Variants in AVPR1A observed in about 807,000 individuals in gnomAD.
AVPR1A encodes arginine vasopressin receptor 1A.
A neutral mutation model predicts 31.5 loss-of-function variants in AVPR1A; 31 were observed. The observed-to-expected ratio is 0.99, with a 90% CI of 0.74 to 1.33. The LOEUF is 1.33. Ranked by LOEUF, AVPR1A falls within the 40% of genes most tolerant of loss-of-function variation. The pLI is 0.00. For missense variants in AVPR1A, 570 were observed against 575.2 expected (o/e 0.99, Z 0.09); for synonymous variants, 243 against 233.2 (o/e 1.04, Z -0.38).
Position 63,145,291 on chromosome 12 carries a change from C to A in AVPR1A, c.*2068G>T, listed in dbSNP as rs1868349004. ...TTTTTAGGCCTATCAATACAAGGAG[C>A]CTAAGGGCTGAGAATTTCAAAAGGC... On this transcript the variant is annotated 3_prime_UTR_variant, in exon 2 of 2. Transcript: ENST00000299178. 2 of 444,084 alleles carry A rather than the reference C, an allele frequency of 4.5e-6. No homozygotes were observed. Among genetic ancestry groups the A allele is most frequent in the African/African-American group, 4.1e-5 (2 of 48,924 alleles). The allele number at this position is 444,084 out of a possible 1,614,324, so 27.5% of individuals were successfully genotyped here.
chr12:63,150,021 G>T lies in AVPR1A; in HGVS notation c.816C>A (p.Leu272=). 1.9e-6 allele frequency: 3 copies of T among 1,614,038 alleles called. No homozygotes were observed. Among genetic ancestry groups the T allele is most frequent in the Non-Finnish European group, 1.7e-6 (2 of 1,180,012 alleles). Residue 272 remains leucine, a synonymous_variant, in exon 1 of 2, where the codon CTC becomes CTA. Coordinates refer to ENST00000299178, the MANE Select transcript of AVPR1A (RefSeq NM_000706.5). The surrounding 1 kb of genome is among the most constrained non-coding windows in gnomAD (Gnocchi z 4.9). ...ACTTCACGCTGCTGACACAGGGTGC[G>T]AGCAGGAACCCCTTTTGGAAGGCCA... ...AGVAFQKGFL[L]APCVSSVKSI...
chr12:63,148,319 C>T (rs1305047037), intron 1 of AVPR1A, among the ~76,000 whole-genome samples: 3 of 152,098 alleles, frequency 2.0e-5, no homozygotes, highest in Non-Finnish European at 4.4e-5. Flanking sequence ...AATATTATAA[C>T]CTTTCACAGT....
intron 1 of AVPR1A, 88 bp downstream of exon 1, chr12:63,149,769 TTTTCTCTCTC>T (rs1161557923): frequency 2.8e-5 from 35 of 1,243,486 alleles, no homozygotes; most frequent in South Asian, 3.2e-5. Context: ...ATTCTCATTT[TTTTCTCTCTC>T]TCTCTCTCTC....
rs774566062 is a variant in AVPR1A at position 63,150,545 on chromosome 12, G to A, written c.292C>T (p.Leu98=). The change falls in exon 1 of 2, where the codon CTG becomes TTG. Residue 98 remains leucine (L), a synonymous_variant. Transcript: ENST00000299178. This position sits in a 1 kb window ranked among gnomAD's most constrained non-coding sequence, Gnocchi z 4.9. ...LFIRHLSLAD[L]AVAFFQVLPQ... ...AGCACCTGGAAGAATGCCACGGCCA[G>A]GTCGGCCAGGCTGAGGTGTCGGATG... is the stretch of plus-strand genomic sequence containing the variant. 1.2e-6 allele frequency: 2 copies of A among 1,612,892 alleles called. No individual in the cohort carries two copies. Among genetic ancestry groups the A allele is most frequent in the East Asian group, 2.2e-5 (1 of 44,868 alleles).
At position 63,145,613 on chromosome 12, in the gene AVPR1A, G is replaced by T; in HGVS notation, c.*1746C>A. ...GCACTCCAGCCTGGCAAAAGAGCAAGACTCTGTTTCAAAAAAAAAAAAAGC... is the reference window on the plus strand; with the variant it reads ...GCACTCCAGCCTGGCAAAAGAGCAATACTCTGTTTCAAAAAAAAAAAAAGC... On this transcript the variant is annotated 3_prime_UTR_variant, in exon 2 of 2. Transcript: ENST00000299178. 5.6e-6 allele frequency: 1 copy of T among 178,534 alleles called. No individual in the cohort carries two copies. The allele number at this position is 178,534 out of a possible 1,614,324, so 11.1% of individuals were successfully genotyped here. A position where few individuals can be genotyped will look rare whatever the true frequency, so the allele number is the denominator to read the frequency against.
At position 63,149,964 on chromosome 12, in the gene AVPR1A, C is replaced by T; in HGVS notation, c.873G>A (p.Lys291=). ...SISRAKIRTV[K]MTFVIVTAYI... ...AAGCCGTCACGATCACAAAAGTCAT[C>T]TTCACCGTGCGGATCTTGGCCCGGG... The change falls in exon 1 of 2, where the codon AAG becomes AAA. Residue 291 remains lysine, a synonymous_variant. Transcript: ENST00000299178. 2 of 1,614,150 alleles carry T rather than the reference C, an allele frequency of 1.2e-6. No homozygotes were observed. Among genetic ancestry groups the T allele is most frequent in the Non-Finnish European group, 1.7e-6 (2 of 1,180,030 alleles).
At chr12:63,147,703 T>G in intron 1 of AVPR1A, 58 bp from the exon 2 acceptor site, 4 of 1,529,200 alleles carry the variant, frequency 2.6e-6, no homozygotes, top group Non-Finnish European at 2.7e-6. Flanking sequence ...GATAAACTCA[T>G]TTTTCTATTA....
At position 63,150,760 on chromosome 12, in the gene AVPR1A, C is replaced by G. The variant is rs1868465300; in HGVS notation, c.77G>C (p.Gly26Ala). 1 of 1,599,714 alleles carries G rather than the reference C, an allele frequency of 6.3e-7. No individual in the cohort carries two copies. Among genetic ancestry groups the G allele is most frequent in the African/African-American group, 1.3e-5 (1 of 74,898 alleles). ...SPWWPLATGA[G>A]NTSREAEALG... The stretch of plus-strand genomic sequence containing the variant: ...GGCTTCGGCCTCCCGGCTTGTGTTG[C>G]CAGCGCCGGTGGCCAGAGGCCACCA... Residue 26 changes from glycine (G) to alanine (A), a missense_variant, in exon 1 of 2, where the codon GGC becomes GCC. Transcript: ENST00000299178. The surrounding 1 kb of genome is among the most constrained non-coding windows in gnomAD (Gnocchi z 4.9).
At position 63,145,349 on chromosome 12, in the gene AVPR1A, C is replaced by T. The variant is rs1238043243; in HGVS notation, c.*2010G>A. 3 of 455,282 alleles carry T rather than the reference C, an allele frequency of 6.6e-6. No homozygotes were observed. Among genetic ancestry groups the T allele is most frequent in the Admixed American group, 2.4e-5 (1 of 42,426 alleles). 28.2% of individuals were successfully genotyped at this position (455,282 alleles called of 1,614,324 possible). On this transcript the variant is annotated 3_prime_UTR_variant, in exon 2 of 2. Coordinates refer to ENST00000299178, the MANE Select transcript of AVPR1A (RefSeq NM_000706.5). ...TGAAGAGGAGTGAAGTTATCGCTTC[C>T]GGGTTCTCACAGTGCTATCCAGTTC...
intron 1 of AVPR1A, among the ~76,000 whole-genome samples, chr12:63,148,819 T>G (rs1207067448): frequency 6.6e-6 from 1 of 152,066 alleles, no homozygotes; most frequent in Admixed American, 6.6e-5. Context: ...CCTCCCCTAC[T>G]CCAATTCCAA....
In AVPR1A at chr12:63,150,646, A is replaced by G; in HGVS notation, c.191T>C (p.Val64Ala). The G allele has an allele frequency of 6.2e-7, 1 of 1,609,248 alleles. No individual in the cohort carries two copies. The highest frequency in any genetic ancestry group is 8.5e-7 in the Non-Finnish European group (1 of 1,179,852). ...EIAVLAVTFA[V>A]AVLGNSSVLL... Reference sequence around the variant, plus strand: ...TACGCTGCTGTTGCCCAGCACGGCCACCGCGAAAGTCACCGCCAGCACGGC... The same window carrying G: ...TACGCTGCTGTTGCCCAGCACGGCCGCCGCGAAAGTCACCGCCAGCACGGC... The change falls in exon 1 of 2, where the codon GTG (valine) becomes GCG (alanine). Residue 64 changes from valine (V) to alanine (A), a missense_variant. Coordinates refer to ENST00000299178, the MANE Select transcript of AVPR1A (RefSeq NM_000706.5). This position sits in a 1 kb window ranked among gnomAD's most constrained non-coding sequence, Gnocchi z 4.9.
In AVPR1A at chr12:63,150,517, G is replaced by C. The variant is rs780705756; in HGVS notation, c.320C>G (p.Pro107Arg). The C allele has an allele frequency of 1.9e-6, 3 of 1,612,992 alleles. No homozygotes were observed. The highest frequency in any genetic ancestry group is 2.5e-6 in the Non-Finnish European group (3 of 1,179,780). ...DLAVAFFQVL[P>R]QMCWDITYRF... ...GTAGGTGATGTCCCAGCACATTTGC[G>C]GCAGCACCTGGAAGAATGCCACGGC... is the stretch of plus-strand genomic sequence containing the variant. Residue 107 changes from proline (P) to arginine (R), a missense_variant, in exon 1 of 2, where the codon CCG (proline) becomes CGG (arginine). Coordinates refer to ENST00000299178, the MANE Select transcript of AVPR1A (RefSeq NM_000706.5). The surrounding 1 kb of genome is among the most constrained non-coding windows in gnomAD (Gnocchi z 4.9).
Position 63,150,352 on chromosome 12 carries a change from TGTTGCAGA to T in AVPR1A, c.477_484del (p.Leu160AlafsTer179). 1 of 1,613,902 alleles carries T rather than the reference TGTTGCAGA, an allele frequency of 6.2e-7. No individual in the cohort carries two copies. Among genetic ancestry groups the T allele is most frequent in the Non-Finnish European group, 8.5e-7 (1 of 1,179,996 alleles). On this transcript the variant is annotated frameshift_variant, in exon 1 of 2. Transcript: ENST00000299178. LOFTEE classifies it high-confidence loss of function. This position sits in a 1 kb window ranked among gnomAD's most constrained non-coding sequence, Gnocchi z 4.9. ...CATGAGGCGCGAGCGGCGCGCGGGCTGTTGCAGAGTCTTGAGCGGGTGGCACACCGCGA... is the reference window on the plus strand; with the variant it reads ...CATGAGGCGCGAGCGGCGCGCGGGCTGTCTTGAGCGGGTGGCACACCGCGA...
chr12:63,149,006 T>G (rs1319930913), intron 1 of AVPR1A, among the ~76,000 whole-genome samples: 1 of 151,932 alleles, frequency 6.6e-6, no homozygotes, highest in Non-Finnish European at 1.5e-5. Context: ...AATTAAATAA[T>G]TTTTTTTGCA....
Position 63,144,867 on chromosome 12 carries a change from G to C in AVPR1A, c.*2492C>G, listed in dbSNP as rs900902564. ...CATTTAAAAGGAGAAAATACAACTG[G>C]GTAGGGTGATATGCACTTTTTTTTG... On this transcript the variant is annotated 3_prime_UTR_variant, in exon 2 of 2. Transcript: ENST00000299178. The C allele has an allele frequency of 7.2e-5, 11 of 152,996 alleles. No individual in the cohort carries two copies. Among genetic ancestry groups the C allele is most frequent in the African/African-American group, 2.4e-4 (10 of 41,524 alleles). The allele number at this position is 152,996 out of a possible 1,614,324, so 9.5% of individuals were successfully genotyped here. A position where few individuals can be genotyped will look rare whatever the true frequency, so the allele number is the denominator to read the frequency against.
chr12:63,150,732 G>A lies in AVPR1A; in HGVS notation c.105C>T (p.Leu35=). ...CCCTCGGTGGGCCGTTGCCCTCCCCGAGGGCTTCGGCCTCCCGGCTTGTGT... is the reference window on the plus strand; with the variant it reads ...CCCTCGGTGGGCCGTTGCCCTCCCCAAGGGCTTCGGCCTCCCGGCTTGTGT... ...AGNTSREAEA[L]GEGNGPPRDV... The change falls in exon 1 of 2, where the codon CTC becomes CTT. Residue 35 remains leucine (L), a synonymous_variant. Transcript: ENST00000299178. The surrounding 1 kb of genome is among the most constrained non-coding windows in gnomAD (Gnocchi z 4.9). 5 of 1,602,690 alleles carry A rather than the reference G, an allele frequency of 3.1e-6. No individual in the cohort carries two copies. Among genetic ancestry groups the A allele is most frequent in the Non-Finnish European group, 4.2e-6 (5 of 1,179,752 alleles).
At chr12:63,147,669 A>G (rs1565878235) in intron 1 of AVPR1A, 24 bp from the exon 2 acceptor site, 2 of 1,602,958 alleles carry the variant, frequency 1.2e-6, no homozygotes, top group Non-Finnish European at 1.7e-6. Context: ...ATAAAGGGAA[A>G]TCATGTAATG....
chr12:63,147,353 C>T lies in AVPR1A; in HGVS notation c.*6G>A, dbSNP rs758727650. ...TCACAAGAATCAAGTTGCATGAATG[C>T]AAGGCTCAAGTTGAAACAGGAATGA... On this transcript the variant is annotated 3_prime_UTR_variant, in exon 2 of 2. Transcript: ENST00000299178. 9.9e-6 allele frequency: 16 copies of T among 1,608,832 alleles called. No individual in the cohort carries two copies. In the South Asian group the frequency reaches 1.6e-4, roughly 17 times the overall value.
In AVPR1A at chr12:63,150,858, C is replaced by A; in HGVS notation, c.-22G>T. ...GCATGCTGTCCATGCAGCTCCTACT[C>A]GGCCCTCTTCGGAGCTCCAGCCCTC... On this transcript the variant is annotated 5_prime_UTR_variant, in exon 1 of 2. Transcript: ENST00000299178. This position sits in a 1 kb window ranked among gnomAD's most constrained non-coding sequence, Gnocchi z 4.9. 1.3e-6 allele frequency: 2 copies of A among 1,518,536 alleles called. No homozygotes were observed. Among genetic ancestry groups the A allele is most frequent in the East Asian group, 2.3e-5 (1 of 42,596 alleles). The allele number at this position is 1,518,536 out of a possible 1,614,324, so 94.1% of individuals were successfully genotyped here.
Sources: allele counts gnomAD v4.1 joint callset (sites outside exome capture counted in the v4.1 genomes callset), GRCh38; gene constraint gnomAD v4.1.1; non-coding constraint Gnocchi (gnomAD v3.1); transcripts MANE v1.5; gene names NCBI Gene and HGNC (gene_info 2026-07-23, HGNC 2026-07-21).